VWA3B: variants seen among roughly 807,000 people sequenced by gnomAD.
VWA3B encodes von Willebrand factor A domain containing 3B, also known as von Willebrand factor A domain-containing protein 3B.
Under a neutral mutation model 158.3 loss-of-function variants are expected in VWA3B, and 138 were observed. That is an observed-to-expected ratio of 0.87 (90% CI 0.76 to 1.00). VWA3B has a LOEUF of 1.00. VWA3B is among the 50% of genes least tolerant of loss of function. The pLI, the probability that VWA3B is intolerant of heterozygous loss-of-function variation, is 0.00. For synonymous variants in VWA3B, 596 were observed against 587.3 expected, an observed-to-expected ratio of 1.01 and a Z score of -0.21; for missense variants, 1,555 against 1,565.1, an observed-to-expected ratio of 0.99 and a Z score of 0.11.
At chr2:98,293,913 T>C (rs1014203578) in intron 23 of VWA3B, among the ~76,000 whole-genome samples, 2 of 152,190 alleles carry the variant, frequency 1.3e-5, no homozygotes, top group Non-Finnish European at 2.9e-5. Context: ...TTAGTGGACA[T>C]GTCTCTAGCC....
At chr2:98,200,111 G>A (rs1457569524) in intron 12 of VWA3B, among the ~76,000 whole-genome samples, 5 of 152,154 alleles carry the variant, frequency 3.3e-5, no homozygotes, top group South Asian at 2.1e-4. Context: ...CTTAACACTC[G>A]TCTTTTCATG....
intron 19 of VWA3B, among the ~76,000 whole-genome samples, chr2:98,242,017 T>A (rs191070282): frequency 1.3e-5 from 2 of 152,282 alleles, no homozygotes; most frequent in Admixed American, 1.3e-4. Flanking sequence ...ACCTTTTTGA[T>A]GTTTGGACTT....
intron 2 of VWA3B, among the ~76,000 whole-genome samples, chr2:98,095,800 C>T (rs767653654): frequency 9.2e-5 from 14 of 152,170 alleles, no homozygotes; most frequent in Non-Finnish European, 1.9e-4. Context: ...TTCTTCTATA[C>T]ATAATTTGTT....
At chr2:98,179,810 C>CTTTCTT (rs1680361675) in intron 8 of VWA3B, among the ~76,000 whole-genome samples, 1 of 118,970 alleles carries the variant, frequency 8.4e-6, no homozygotes, top group Admixed American at 9.6e-5. Context: ...TTCTTTCTTT[C>CTTTCTT]TTTCTTTCTT....
chr2:98,172,184 C>G (rs1291329177), intron 8 of VWA3B, among the ~76,000 whole-genome samples: 1 of 152,216 alleles, frequency 6.6e-6, no homozygotes, highest in African/African-American at 2.4e-5. Flanking sequence ...AGAATCGGAT[C>G]ACACGTGGGC....
intron 19 of VWA3B, among the ~76,000 whole-genome samples, chr2:98,241,307 G>T (rs72950941): frequency 0.07 from 10,704 of 152,070 alleles, 553 homozygotes; most frequent in East Asian, 0.17. Flanking sequence ...GGTGAAGGAA[G>T]GGCCTTGATT....
chr2:98,219,348 C>A (rs566895102), intron 14 of VWA3B, among the ~76,000 whole-genome samples: 1 of 151,826 alleles, frequency 6.6e-6, no homozygotes, highest in Admixed American at 6.6e-5. Context: ...TCAGACATTG[C>A]GTAACACAAA....
At chr2:98,143,043 A>G (rs1559570295) in intron 7 of VWA3B, among the ~76,000 whole-genome samples, 1 of 152,098 alleles carries the variant, frequency 6.6e-6, no homozygotes, top group South Asian at 2.1e-4. Flanking sequence ...TCAAATATAT[A>G]TATATTTGTT....
intron 15 of VWA3B, among the ~76,000 whole-genome samples, chr2:98,228,540 A>G (rs945816700): frequency 6.6e-6 from 1 of 152,234 alleles, no homozygotes; most frequent in Non-Finnish European, 1.5e-5. Flanking sequence ...AGGAGGCCAC[A>G]TATTCCCCTT....
chr2:98,180,697 C>CT (rs1343485510), intron 8 of VWA3B, among the ~76,000 whole-genome samples: 1 of 152,232 alleles, frequency 6.6e-6, no homozygotes, highest in African/African-American at 2.4e-5. Flanking sequence ...TACATGGCTC[C>CT]TGACACACAG....
At chr2:98,147,018 T>A (rs531386971) in intron 7 of VWA3B, among the ~76,000 whole-genome samples, 1 of 152,322 alleles carries the variant, frequency 6.6e-6, no homozygotes, top group East Asian at 1.9e-4. Context: ...TGATAAAGTA[T>A]CATTTGAATA....
At chr2:98,196,034 G>T (rs1302737143) in intron 12 of VWA3B, among the ~76,000 whole-genome samples, 1 of 152,178 alleles carries the variant, frequency 6.6e-6, no homozygotes, top group Non-Finnish European at 1.5e-5. Context: ...AACACCACAT[G>T]ATCTCACTTA....
chr2:98,229,962 T>G lies in VWA3B; in HGVS notation c.2151-88T>G, dbSNP rs559964897. 2,662 of 1,404,770 alleles carry G rather than the reference T, an allele frequency of 1.9e-3. 40 individuals carry two copies. The South Asian group carries it at 0.026, about 13-fold the overall frequency. 87.0% of individuals were successfully genotyped at this position (1,404,770 alleles called of 1,614,324 possible). Reference sequence around the variant, plus strand: ...TTTTTAAAGTTTGCAGTGTTCAACATGAATGTATTGACTTAACTCTGCCTT... The same window carrying G: ...TTTTTAAAGTTTGCAGTGTTCAACAGGAATGTATTGACTTAACTCTGCCTT... On this transcript the variant is annotated intron_variant, in intron 15 of 27. Transcript: ENST00000477737.
At chr2:98,241,657 A>G (rs966982507) in intron 19 of VWA3B, among the ~76,000 whole-genome samples, 1 of 151,998 alleles carries the variant, frequency 6.6e-6, no homozygotes, top group Non-Finnish European at 1.5e-5. Flanking sequence ...CTTGTTCTTC[A>G]GGGGGGCATC....
chr2:98,191,913 A>G (rs553523200), intron 10 of VWA3B, among the ~76,000 whole-genome samples: 2 of 152,208 alleles, frequency 1.3e-5, no homozygotes, highest in South Asian at 2.1e-4. Context: ...TATTTTTTCC[A>G]TACTCTTTCC....
intron 11 of VWA3B, 69 bp downstream of exon 11, chr2:98,193,105 G>T: frequency 6.6e-7 from 1 of 1,508,960 alleles, no homozygotes; most frequent in East Asian, 2.3e-5. Flanking sequence ...AGTGGATAGG[G>T]GCTTGTTGCT....
At chr2:98,146,969 A>G (rs1471948664) in intron 7 of VWA3B, among the ~76,000 whole-genome samples, 1 of 152,214 alleles carries the variant, frequency 6.6e-6, no homozygotes, top group Non-Finnish European at 1.5e-5. Flanking sequence ...TCATAGGGTT[A>G]TGTGGCATAC....
At chr2:98,098,186 T>C (rs1373502652) in intron 2 of VWA3B, among the ~76,000 whole-genome samples, 1 of 152,150 alleles carries the variant, frequency 6.6e-6, no homozygotes, top group African/African-American at 2.4e-5. Context: ...GAGAAGAGTG[T>C]GTATTCTGCA....
intron 26 of VWA3B, among the ~76,000 whole-genome samples, chr2:98,305,047 C>T (rs1690435932): frequency 6.6e-6 from 1 of 152,154 alleles, no homozygotes; most frequent in African/African-American, 2.4e-5. Flanking sequence ...GAGCCTGAAC[C>T]AGTGAGCTCC....
Sources: allele counts gnomAD v4.1 joint callset (sites outside exome capture counted in the v4.1 genomes callset), GRCh38; gene constraint gnomAD v4.1.1; transcripts MANE v1.5; gene names NCBI Gene and HGNC (gene_info 2026-07-23, HGNC 2026-07-21).